Variants in IGSF21 observed in about 807,000 individuals in gnomAD.
The protein encoded by IGSF21 is immunoglobin superfamily member 21, also known as immunoglobulin superfamily member 21.
IGSF21 carries 28 observed loss-of-function variants against 46.8 expected under a neutral mutation model. That is an observed-to-expected ratio of 0.60 (90% confidence interval 0.44 to 0.82). The LOEUF (loss-of-function observed/expected upper bound fraction) is 0.82. Ranked by LOEUF, IGSF21 falls within the 40% of genes least tolerant of loss-of-function variation. The pLI, the probability that IGSF21 is intolerant of heterozygous loss-of-function variation, is 0.00. For missense variants in IGSF21, 624 were observed against 665.5 expected (o/e 0.94, Z 0.69); for synonymous variants, 284 against 273.6 (o/e 1.04, Z -0.38).
At chr1:18,279,084 G>A (rs566624300) in intron 2 of IGSF21, among the ~76,000 whole-genome samples, 1 of 152,286 alleles carries the variant, frequency 6.6e-6, no homozygotes, top group African/African-American at 2.4e-5. Context: ...AGTGAATAAA[G>A]AGGAGCCCAT....
At chr1:18,149,883 G>A (rs2124432979) in intron 1 of IGSF21, among the ~76,000 whole-genome samples, 1 of 152,292 alleles carries the variant, frequency 6.6e-6, no homozygotes, top group Admixed American at 6.5e-5. Flanking sequence ...ACTCTGAGCA[G>A]AATGCCAAGC....
chr1:18,161,130 A>G (rs1161758000), intron 1 of IGSF21, among the ~76,000 whole-genome samples: 1 of 152,098 alleles, frequency 6.6e-6, no homozygotes, highest in Admixed American at 6.5e-5. Context: ...GGTCCAGGTA[A>G]GGAAAGAAAA....
At chr1:18,179,435 A>T (rs1476846914) in intron 1 of IGSF21, 1 of 152,218 alleles carries the variant, frequency 6.6e-6, no homozygotes, top group Non-Finnish European at 1.5e-5. Flanking sequence ...CCCTGCCTCC[A>T]TGTAAAAATG....
intron 3 of IGSF21, among the ~76,000 whole-genome samples, chr1:18,304,389 T>C (rs1473630387): frequency 6.6e-6 from 1 of 152,142 alleles, no homozygotes; most frequent in African/African-American, 2.4e-5. Context: ...CGGATGCCAC[T>C]TAAAGCCACC....
intron 2 of IGSF21, among the ~76,000 whole-genome samples, chr1:18,241,621 C>T (rs753996012): frequency 1.3e-5 from 2 of 152,168 alleles, no homozygotes; most frequent in Non-Finnish European, 2.9e-5. Context: ...GAGGACTGGA[C>T]CCTCGAATGC....
chr1:18,255,263 G>A (rs756717683), intron 2 of IGSF21, among the ~76,000 whole-genome samples: 11 of 152,150 alleles, frequency 7.2e-5, no homozygotes, highest in Non-Finnish European at 1.3e-4. Flanking sequence ...ACTCCCCTGG[G>A]TACCTGCTCA....
In IGSF21 at chr1:18,229,227, G is replaced by A. The variant is rs117349500; in HGVS notation, c.183+1217G>A. On this transcript the variant is annotated intron_variant, in intron 2 of 9. Coordinates refer to ENST00000251296, the MANE Select transcript of IGSF21 (RefSeq NM_032880.5). The stretch of plus-strand genomic sequence containing the variant: ...GAAGTGATGGAGCATGGAAGAGAGG[G>A]CAAGGAAGGTGGGGGGTGGGCACCA... Among the ~76,000 whole-genome samples, 560 of 152,236 alleles carry A rather than the reference G, an allele frequency of 3.7e-3. 19 individuals are homozygous for A. The South Asian group carries it at 0.069, about 19-fold the overall frequency.
intron 1 of IGSF21, among the ~76,000 whole-genome samples, chr1:18,153,078 G>A (rs1399176482): frequency 6.6e-6 from 1 of 152,176 alleles, no homozygotes; most frequent in African/African-American, 2.4e-5. Context: ...TGGGGGCTCA[G>A]TGTTCGAGCC....
chr1:18,340,472 A>T (rs1410286134), intron 4 of IGSF21, among the ~76,000 whole-genome samples: 1 of 152,230 alleles, frequency 6.6e-6, no homozygotes, highest in African/African-American at 2.4e-5. Flanking sequence ...AGCATTCCCC[A>T]GGTGCCAGGC....
At chr1:18,238,111 A>G (rs1432241299) in intron 2 of IGSF21, among the ~76,000 whole-genome samples, 1 of 152,142 alleles carries the variant, frequency 6.6e-6, no homozygotes, top group Non-Finnish European at 1.5e-5. Flanking sequence ...CCATGCCCCA[A>G]CTGAAAAACC....
chr1:18,218,467 A>C (rs988595047), intron 1 of IGSF21, among the ~76,000 whole-genome samples: 2 of 152,246 alleles, frequency 1.3e-5, no homozygotes, highest in Non-Finnish European at 2.9e-5. Flanking sequence ...CTCTGGTGAG[A>C]TGAAGTGAAG....
rs568358195 is a variant in IGSF21 at position 18,320,628 on chromosome 1, C to A, written c.306-14264C>A. Among the ~76,000 whole-genome samples, 14 of 152,302 alleles carry A rather than the reference C, an allele frequency of 9.2e-5. No homozygotes were observed. The South Asian group carries it at 2.9e-3, about 32-fold the overall frequency. ...GTTTGCTTTGCCCAACTGGAGTCAT[C>A]GGTCCTGCTCTGAAGCTGCCCCTGG... On this transcript the variant is annotated intron_variant, in intron 3 of 9. Coordinates refer to ENST00000251296, the MANE Select transcript of IGSF21 (RefSeq NM_032880.5).
rs567606417 is a variant in IGSF21, at chr1:18,223,147, G to C, written c.71-4751G>C. ...TCTGACCTCAAGCCCTGAGGCAGTA[G>C]GGTCTCCCCTCTGCCCACCATCTCT... On this transcript the variant is annotated intron_variant, in intron 1 of 9. Coordinates refer to ENST00000251296, the MANE Select transcript of IGSF21 (RefSeq NM_032880.5). Among the ~76,000 whole-genome samples, 9 of 152,360 alleles carry C rather than the reference G, an allele frequency of 5.9e-5. No homozygotes were observed. In the South Asian group the frequency reaches 1.5e-3, roughly 25 times the overall value.
intron 2 of IGSF21, among the ~76,000 whole-genome samples, chr1:18,274,145 C>T (rs529423060): frequency 2.0e-5 from 3 of 152,332 alleles, no homozygotes; most frequent in South Asian, 2.1e-4. Context: ...TGGAGATACA[C>T]GGTGTTGGGC....
chr1:18,356,086 C>T (rs1369998133), intron 4 of IGSF21, among the ~76,000 whole-genome samples: 1 of 152,176 alleles, frequency 6.6e-6, no homozygotes, highest in Non-Finnish European at 1.5e-5. Flanking sequence ...CCACTTTCCT[C>T]AGCCTCCCAG....
chr1:18,116,740 A>C (rs1276196456), intron 1 of IGSF21, among the ~76,000 whole-genome samples: 1 of 152,246 alleles, frequency 6.6e-6, no homozygotes, highest in Non-Finnish European at 1.5e-5. Context: ...ACATGTAATC[A>C]AATGGCCAAT....
At chr1:18,136,764 T>G (rs922794659) in intron 1 of IGSF21, among the ~76,000 whole-genome samples, 2 of 152,226 alleles carry the variant, frequency 1.3e-5, no homozygotes, top group African/African-American at 2.4e-5. Context: ...CCATATGAAC[T>G]TTAAAGTAGT....
chr1:18,148,145 T>TG, intron 1 of IGSF21, among the ~76,000 whole-genome samples: 1 of 149,174 alleles, frequency 6.7e-6, no homozygotes, highest in Non-Finnish European at 1.5e-5. Context: ...TTTTTTTTTT[T>TG]TTTGAGATGG....
intron 1 of IGSF21, among the ~76,000 whole-genome samples, chr1:18,204,872 G>A (rs2087110436): frequency 6.6e-6 from 1 of 152,178 alleles, no homozygotes; most frequent in African/African-American, 2.4e-5. Context: ...TTTATGACTT[G>A]CAGAGAAAAA....
Sources: gnomAD v4.1 joint callset for allele counts (sites outside exome capture counted in the v4.1 genomes callset) on GRCh38, gnomAD v4.1.1 for gene constraint, MANE v1.5 for transcripts, NCBI Gene and HGNC (gene_info 2026-07-23, HGNC 2026-07-21) for gene names.